Variants in WDR64 observed in about 807,000 individuals in gnomAD.
WDR64 encodes WD repeat-containing protein 64.
A neutral mutation model predicts 139.3 loss-of-function variants in WDR64; 112 were observed. The ratio of observed to expected loss-of-function variants is 0.80; its 90% CI spans 0.69 to 0.94. The LOEUF (loss-of-function observed/expected upper bound fraction) is 0.94, where lower values mean the gene tolerates loss of function less well. WDR64 is among the 40% of genes least tolerant of loss of function. The pLI, the probability that WDR64 is intolerant of heterozygous loss-of-function variation, is 0.00. For missense variants in WDR64, 1,206 were observed against 1,293.1 expected (o/e 0.93, Z 1.03); for synonymous variants, 444 against 437.7 (o/e 1.01, Z -0.18).
At chr1:241,796,126 A>T (rs142294226) in intron 26 of WDR64, 131 bp from the exon 27 acceptor site, 193 of 477,276 alleles carry the variant, frequency 4.0e-4, no homozygotes, top group African/African-American at 3.4e-3. Flanking sequence ...TTTAATGCTG[A>T]GCAACTGGGA....
chr1:241,666,371 G>A lies in WDR64; in HGVS notation c.277-4703G>A, dbSNP rs1013145788. On this transcript the variant is annotated intron_variant, in intron 2 of 27. Coordinates refer to ENST00000437684, the MANE Select transcript of WDR64 (RefSeq NM_001367482.1). Reference sequence around the variant, plus strand: ...TGTTGCTTCTGAAGGAGTTTATCTGGTATAATACCCAAATTTTTCTCAATA... The same window carrying A: ...TGTTGCTTCTGAAGGAGTTTATCTGATATAATACCCAAATTTTTCTCAATA... 7.9e-5 allele frequency among the ~76,000 whole-genome samples: 12 copies of A among 152,038 alleles called. No homozygotes were observed. In the East Asian group the frequency reaches 1.2e-3, roughly 15 times the overall value.
At chr1:241,663,211 A>T (rs1414565963) in intron 2 of WDR64, among the ~76,000 whole-genome samples, 1 of 152,240 alleles carries the variant, frequency 6.6e-6, no homozygotes, top group Non-Finnish European at 1.5e-5. Flanking sequence ...TTAGTTTGTA[A>T]AGATACCAAC....
At chr1:241,691,151 A>G (rs1667260244) in intron 8 of WDR64, among the ~76,000 whole-genome samples, 1 of 152,188 alleles carries the variant, frequency 6.6e-6, no homozygotes, top group African/African-American at 2.4e-5. Flanking sequence ...GTTTTTTAAA[A>G]AATGTGTAAC....
At chr1:241,744,349 G>A in intron 12 of WDR64, 44 bp from the exon 13 acceptor site, 1 of 1,609,688 alleles carries the variant, frequency 6.2e-7, no homozygotes, top group South Asian at 1.1e-5. Flanking sequence ...GAATTGAAGG[G>A]CTTCTTCAAA....
chr1:241,680,756 T>C (rs1666753773), intron 6 of WDR64, among the ~76,000 whole-genome samples: 1 of 125,488 alleles, frequency 8.0e-6, no homozygotes, highest in South Asian at 2.6e-4. Flanking sequence ...TAAACAGTGC[T>C]ATTTGGCACA....
chr1:241,705,082 T>C (rs1176706579), intron 8 of WDR64, among the ~76,000 whole-genome samples: 3 of 151,992 alleles, frequency 2.0e-5, no homozygotes, highest in Non-Finnish European at 4.4e-5. Context: ...TCCAGGAAGA[T>C]CTACTCCAGA....
intron 7 of WDR64, 127 bp downstream of exon 7, chr1:241,683,828 T>C (rs1666910363): frequency 2.7e-6 from 2 of 728,232 alleles, no homozygotes; most frequent in Non-Finnish European, 4.3e-6. Flanking sequence ...AAAATTAAAG[T>C]AATATAAACA....
chr1:241,776,405 C>T (rs1258676887), intron 21 of WDR64, among the ~76,000 whole-genome samples: 1 of 152,086 alleles, frequency 6.6e-6, no homozygotes, highest in Non-Finnish European at 1.5e-5. Flanking sequence ...AAAAAAGTTA[C>T]AACAAACCAT....
At chr1:241,740,540 G>C (rs1669496640) in intron 11 of WDR64, among the ~76,000 whole-genome samples, 1 of 152,118 alleles carries the variant, frequency 6.6e-6, no homozygotes, top group Non-Finnish European at 1.5e-5. Context: ...GAATTCTTTG[G>C]AGAAACTTGA....
At chr1:241,787,756 C>A in intron 23 of WDR64, 93 bp from the exon 24 acceptor site, 1 of 1,073,584 alleles carries the variant, frequency 9.3e-7, no homozygotes, top group Non-Finnish European at 1.3e-6. Context: ...CCTTGATGGA[C>A]CAGCGCTAAT....
intron 5 of WDR64, among the ~76,000 whole-genome samples, chr1:241,678,944 G>A (rs1480497403): frequency 8.1e-5 from 12 of 148,094 alleles, no homozygotes; most frequent in Non-Finnish European, 4.4e-5. Flanking sequence ...TGCCTGAAAT[G>A]CATGCAGCAG....
At chr1:241,734,959 G>A (rs1669239793) in intron 10 of WDR64, among the ~76,000 whole-genome samples, 1 of 152,152 alleles carries the variant, frequency 6.6e-6, no homozygotes, top group Non-Finnish European at 1.5e-5. Context: ...CTGTCCTTAA[G>A]CAGCACATGT....
chr1:241,677,642 A>C (rs746339361), intron 4 of WDR64, among the ~76,000 whole-genome samples: 1 of 152,212 alleles, frequency 6.6e-6, no homozygotes, highest in Non-Finnish European at 1.5e-5. Flanking sequence ...GTGGTTCTTA[A>C]CTGGTATAGT....
At chr1:241,768,245 G>GGA (rs765117704) in intron 16 of WDR64, among the ~76,000 whole-genome samples, 2 of 152,188 alleles carry the variant, frequency 1.3e-5, no homozygotes, top group Non-Finnish European at 2.9e-5. Flanking sequence ...TTTCCTATAG[G>GGA]CAGATGATTA....
At chr1:241,733,282 C>G (rs1669164718) in intron 10 of WDR64, among the ~76,000 whole-genome samples, 1 of 152,092 alleles carries the variant, frequency 6.6e-6, no homozygotes, top group Non-Finnish European at 1.5e-5. Flanking sequence ...TAAGACTAGC[C>G]TGGCCAACAT....
chr1:241,784,953 G>GGATAAAAAAAAA (rs766802128), intron 23 of WDR64, among the ~76,000 whole-genome samples: 2 of 62,250 alleles, frequency 3.2e-5, no homozygotes, highest in Non-Finnish European at 6.2e-5. Context: ...GACTCTGTCT[G>GGATAAAAAAAAA]AAAAAAAAAA....
At chr1:241,700,675 G>C (rs1463986432) in intron 8 of WDR64, among the ~76,000 whole-genome samples, 1 of 152,146 alleles carries the variant, frequency 6.6e-6, no homozygotes, top group Non-Finnish European at 1.5e-5. Flanking sequence ...TGGCCATGTG[G>C]TCTTGGGCAT....
intron 10 of WDR64, among the ~76,000 whole-genome samples, chr1:241,728,055 G>T (rs1668917468): frequency 6.6e-6 from 1 of 152,034 alleles, no homozygotes; most frequent in African/African-American, 2.4e-5. Context: ...AAACTGGGCT[G>T]GGTGCCGCAG....
At chr1:241,786,807 G>T (rs1558524991) in intron 23 of WDR64, among the ~76,000 whole-genome samples, 1 of 152,006 alleles carries the variant, frequency 6.6e-6, no homozygotes, top group Non-Finnish European at 1.5e-5. Flanking sequence ...TTTCCCAAAA[G>T]AAAATAGAAA....
Sources: gnomAD v4.1 joint callset for allele counts (sites outside exome capture counted in the v4.1 genomes callset) on GRCh38, gnomAD v4.1.1 for gene constraint, MANE v1.5 for transcripts, NCBI Gene and HGNC (gene_info 2026-07-23, HGNC 2026-07-21) for gene names.